TBL1X: variants seen among roughly 807,000 people sequenced by gnomAD.
The protein encoded by TBL1X is F-box-like/WD repeat-containing protein TBL1X.
In TBL1X, 10 loss-of-function variants were observed where a neutral mutation model predicts 50.7. That is an observed-to-expected ratio of 0.20 (90% CI 0.12 to 0.33). The LOEUF (loss-of-function observed/expected upper bound fraction) is 0.33, where lower values mean the gene tolerates loss of function less well. TBL1X is among the 10% of genes least tolerant of loss of function. TBL1X has a pLI of 1.00. For missense variants in TBL1X, 340 were observed against 504.4 expected (o/e 0.67, Z 3.12); for synonymous variants, 190 against 214.7 (o/e 0.88, Z 1.01).
intron 2 of TBL1X, among the ~76,000 whole-genome samples, chrX:9,524,814 C>T (rs1280845934): frequency 1.8e-5 from 2 of 112,123 alleles, no homozygotes; most frequent in African/African-American, 3.2e-5. Context: ...TGCAGTGGCA[C>T]GATCGTGACT....
At chrX:9,508,342 C>T (rs757641706) in intron 2 of TBL1X, among the ~76,000 whole-genome samples, 27 of 112,618 alleles carry the variant, frequency 2.4e-4, no homozygotes, top group Non-Finnish European at 4.7e-4. Context: ...GTAAAAAGCT[C>T]AACATCACTG....
At chrX:9,606,787 G>C (rs2082585678) in intron 2 of TBL1X, among the ~76,000 whole-genome samples, 1 of 112,256 alleles carries the variant, frequency 8.9e-6, no homozygotes, top group South Asian at 3.7e-4. Flanking sequence ...AACAGTTCCT[G>C]AGCCCCTAAT....
intron 5 of TBL1X, among the ~76,000 whole-genome samples, chrX:9,667,153 T>C (rs1230418160): frequency 9.0e-6 from 1 of 111,656 alleles, no homozygotes; most frequent in East Asian, 2.8e-4. Flanking sequence ...TTCCAGCTAC[T>C]TGGGAGGCTG....
chrX:9,640,135 CAG>C (rs1188295231), intron 2 of TBL1X, 136 bp from the exon 3 acceptor site: 1 of 111,984 alleles, frequency 8.9e-6, no homozygotes, highest in Non-Finnish European at 1.9e-5. Flanking sequence ...TGGACTAAGA[CAG>C]AAATTAAGAA....
intron 5 of TBL1X, among the ~76,000 whole-genome samples, chrX:9,658,081 C>T (rs1330793295): frequency 9.0e-6 from 1 of 111,531 alleles, no homozygotes; most frequent in Non-Finnish European, 1.9e-5. Flanking sequence ...CCCTTGCACA[C>T]CTTCTCTTTC....
intron 2 of TBL1X, among the ~76,000 whole-genome samples, chrX:9,583,467 A>G (rs2082452639): frequency 1.8e-5 from 2 of 112,260 alleles, no homozygotes. Context: ...TGTATGAGTT[A>G]GGGGAATACA....
chrX:9,684,209 G>T, intron 6 of TBL1X, 21 bp downstream of exon 6: 2 of 1,210,546 alleles, frequency 1.7e-6, no homozygotes, highest in African/African-American at 3.5e-5. Flanking sequence ...GCTGGGCCCG[G>T]CCCCCAAACA....
At chrX:9,520,108 C>A (rs1380006799) in intron 2 of TBL1X, among the ~76,000 whole-genome samples, 1 of 111,926 alleles carries the variant, frequency 8.9e-6, no homozygotes, top group Non-Finnish European at 1.9e-5. Context: ...TGAACGATTT[C>A]ATCTGCCCCT....
intron 2 of TBL1X, among the ~76,000 whole-genome samples, chrX:9,603,886 C>G (rs765013484): frequency 9.0e-6 from 1 of 111,104 alleles, no homozygotes; most frequent in East Asian, 2.9e-4. Flanking sequence ...CAGCACTTTC[C>G]TCTCTGCCTC....
chrX:9,500,554 C>T (rs2081996026), intron 1 of TBL1X, among the ~76,000 whole-genome samples: 1 of 112,140 alleles, frequency 8.9e-6, no homozygotes, highest in African/African-American at 3.2e-5. Context: ...CGAGACTGCG[C>T]CATTGCACTC....
intron 5 of TBL1X, among the ~76,000 whole-genome samples, chrX:9,661,835 C>A (rs1210959057): frequency 9.0e-6 from 1 of 111,439 alleles, no homozygotes; most frequent in Non-Finnish European, 1.9e-5. Context: ...CCCTGTTCTT[C>A]AACACTTTCT....
chrX:9,700,774 G>A (rs979165538), intron 12 of TBL1X, among the ~76,000 whole-genome samples: 4 of 111,294 alleles, frequency 3.6e-5, no homozygotes, highest in Non-Finnish European at 7.5e-5. Flanking sequence ...GGTCACCGTC[G>A]GCAGGAAGCC....
intron 5 of TBL1X, among the ~76,000 whole-genome samples, chrX:9,657,261 C>T (rs1313537578): frequency 8.9e-6 from 1 of 112,232 alleles, no homozygotes; most frequent in African/African-American, 3.2e-5. Context: ...GGAAGGTCTG[C>T]TGGAACACTC....
At chrX:9,509,265 C>T (rs190444220) in intron 2 of TBL1X, among the ~76,000 whole-genome samples, 6,511 of 101,486 alleles carry the variant, frequency 0.064, 584 homozygotes, top group African/African-American at 0.23. Flanking sequence ...GTGGCGGGCA[C>T]CTGTAGTCCC....
intron 2 of TBL1X, among the ~76,000 whole-genome samples, chrX:9,601,549 G>A (rs781732302): frequency 1.8e-5 from 2 of 111,036 alleles, no homozygotes; most frequent in Non-Finnish European, 3.8e-5. Flanking sequence ...GCCTAGTGGT[G>A]TCTTTCATCA....
chrX:9,555,480 G>T (rs2082292432), intron 2 of TBL1X, among the ~76,000 whole-genome samples: 1 of 111,634 alleles, frequency 9.0e-6, no homozygotes, highest in Non-Finnish European at 1.9e-5. Flanking sequence ...GTTTTTTGCT[G>T]TTATAAATAA....
chrX:9,673,458 C>T (rs1453027741), intron 5 of TBL1X, among the ~76,000 whole-genome samples: 1 of 111,747 alleles, frequency 8.9e-6, no homozygotes, highest in Non-Finnish European at 1.9e-5. Flanking sequence ...GAAACAGCTC[C>T]ATCCTCATTT....
intron 1 of TBL1X, among the ~76,000 whole-genome samples, chrX:9,472,046 A>G (rs935051942): frequency 9.9e-5 from 11 of 111,337 alleles, no homozygotes; most frequent in Non-Finnish European, 2.1e-4. Flanking sequence ...CTGCATCCCC[A>G]GCACCATCAT....
chrX:9,642,349 T>C (rs753483403), intron 3 of TBL1X, among the ~76,000 whole-genome samples: 38 of 111,634 alleles, frequency 3.4e-4, no homozygotes, highest in Non-Finnish European at 6.4e-4. Flanking sequence ...TTGCTGTAGT[T>C]CATTAGTAAG....
Sources: gnomAD v4.1 joint callset for allele counts (sites outside exome capture counted in the v4.1 genomes callset) on GRCh38, gnomAD v4.1.1 for gene constraint, MANE v1.5 for transcripts, NCBI Gene and HGNC (gene_info 2026-07-23, HGNC 2026-07-21) for gene names.